Variants in AKAP19 observed in about 807,000 individuals in gnomAD.
AKAP19 encodes A-kinase anchoring protein 19, also known as small A-kinase anchoring protein.
the AKAP19 span, among the ~76,000 whole-genome samples, chr2:189,924,901 A>G: frequency 1.3e-5 from 2 of 152,186 alleles, no homozygotes; most frequent in Admixed American, 6.5e-5. Flanking sequence ...TAAATAAATA[A>G]ATAAATAAAA....
At chr2:189,891,351 G>A in the AKAP19 span, among the ~76,000 whole-genome samples, 2 of 147,120 alleles carry the variant, frequency 1.4e-5, no homozygotes, top group Non-Finnish European at 3.0e-5. Context: ...AGCCTCCCAA[G>A]TAGCTGGGAC....
At chr2:190,013,869 TA>T in the AKAP19 span, among the ~76,000 whole-genome samples, 1 of 151,974 alleles carries the variant, frequency 6.6e-6, no homozygotes, top group Non-Finnish European at 1.5e-5. Flanking sequence ...GTTTATCTTG[TA>T]AAAAAAACCA....
chr2:189,881,154 T>C, the AKAP19 span, among the ~76,000 whole-genome samples: 29 of 152,100 alleles, frequency 1.9e-4, no homozygotes, highest in Non-Finnish European at 3.8e-4. Context: ...TGACTTGAGA[T>C]TGTCACCTTT....
At chr2:190,157,620 T>G in the AKAP19 span, among the ~76,000 whole-genome samples, 1 of 152,168 alleles carries the variant, frequency 6.6e-6, no homozygotes, top group Non-Finnish European at 1.5e-5. Flanking sequence ...TGTTTTTAAT[T>G]ACTTAACTAT....
chr2:189,894,997 CT>C, the AKAP19 span, among the ~76,000 whole-genome samples: 1 of 151,202 alleles, frequency 6.6e-6, no homozygotes, highest in Non-Finnish European at 1.5e-5. Context: ...CTTCTCAGTA[CT>C]GAATTCTAGA....
the AKAP19 span, among the ~76,000 whole-genome samples, chr2:189,980,206 T>C: frequency 6.6e-6 from 1 of 152,180 alleles, no homozygotes; most frequent in Non-Finnish European, 1.5e-5. Context: ...GTGGTACATA[T>C]ACACCATGGA....
At chr2:190,089,882 C>T in the AKAP19 span, among the ~76,000 whole-genome samples, 1 of 152,124 alleles carries the variant, frequency 6.6e-6, no homozygotes. Context: ...CCCAAATGCC[C>T]TCCACAAATT....
At chr2:189,934,505 T>C in the AKAP19 span, among the ~76,000 whole-genome samples, 1 of 151,998 alleles carries the variant, frequency 6.6e-6, no homozygotes, top group Non-Finnish European at 1.5e-5. Flanking sequence ...TTTTGTTGAC[T>C]TTTAAAAATC....
the AKAP19 span, among the ~76,000 whole-genome samples, chr2:190,196,843 C>T: frequency 1.3e-5 from 2 of 151,868 alleles, no homozygotes; most frequent in Non-Finnish European, 1.5e-5. Flanking sequence ...TAACATAGAC[C>T]CTATGTGTCT....
At chr2:189,932,462 A>C in the AKAP19 span, among the ~76,000 whole-genome samples, 1 of 151,140 alleles carries the variant, frequency 6.6e-6, no homozygotes, top group African/African-American at 2.4e-5. Flanking sequence ...TTCTCCCCCC[A>C]CCACCACACA....
At chr2:190,020,348 G>A in the AKAP19 span, among the ~76,000 whole-genome samples, 7 of 152,126 alleles carry the variant, frequency 4.6e-5, no homozygotes, top group African/African-American at 1.7e-4. Context: ...CTTTGAATAT[G>A]TTTAAATGAG....
At chr2:190,030,630 T>G in the AKAP19 span, among the ~76,000 whole-genome samples, 1 of 152,270 alleles carries the variant, frequency 6.6e-6, no homozygotes, top group African/African-American at 2.4e-5. Context: ...CAGCTCCTCA[T>G]GTAGGCTTTA....
At chr2:190,109,582 T>C in the AKAP19 span, among the ~76,000 whole-genome samples, 1 of 151,722 alleles carries the variant, frequency 6.6e-6, no homozygotes, top group African/African-American at 2.4e-5. Flanking sequence ...TCACTCTTCC[T>C]AAGCAGGAAG....
the AKAP19 span, among the ~76,000 whole-genome samples, chr2:190,115,672 G>T: frequency 5.3e-5 from 8 of 151,932 alleles, no homozygotes; most frequent in Non-Finnish European, 1.2e-4. Flanking sequence ...CCCTTTCAAG[G>T]GTCTACTTCT....
At chr2:189,981,967 A>G in the AKAP19 span, among the ~76,000 whole-genome samples, 5 of 152,138 alleles carry the variant, frequency 3.3e-5, no homozygotes, top group Non-Finnish European at 5.9e-5. Flanking sequence ...GGATACTCTG[A>G]TAACTACATC....
chr2:190,030,578 T>G, the AKAP19 span, among the ~76,000 whole-genome samples: 1 of 152,226 alleles, frequency 6.6e-6, no homozygotes, highest in Non-Finnish European at 1.5e-5. Context: ...GGAAATTTAC[T>G]AAAACCAACA....
the AKAP19 span, among the ~76,000 whole-genome samples, chr2:190,044,644 G>C: frequency 6.6e-6 from 1 of 152,008 alleles, no homozygotes; most frequent in Non-Finnish European, 1.5e-5. Context: ...GGACCTACCT[G>C]GTGAGGAGAT....
chr2:190,034,250 G>T, the AKAP19 span, among the ~76,000 whole-genome samples: 1 of 151,928 alleles, frequency 6.6e-6, no homozygotes, highest in Admixed American at 6.5e-5. Flanking sequence ...CACATGCTTA[G>T]ATGAGCTCTA....
At chr2:189,890,690 T>A in the AKAP19 span, among the ~76,000 whole-genome samples, 39 of 152,246 alleles carry the variant, frequency 2.6e-4, no homozygotes, top group East Asian at 5.8e-4. Context: ...TGTCTTTTTT[T>A]AAAAATCTTT....
Sources: allele counts gnomAD v4.1 joint callset (sites outside exome capture counted in the v4.1 genomes callset), GRCh38; gene constraint gnomAD v4.1.1; transcripts MANE v1.5; gene names NCBI Gene and HGNC (gene_info 2026-07-23, HGNC 2026-07-21).